Variants in SYN3 observed in about 807,000 individuals in gnomAD.
The protein encoded by SYN3 is synapsin-3.
Under a neutral mutation model 65.8 loss-of-function variants are expected in SYN3, and 35 were observed. The ratio of observed to expected loss-of-function variants is 0.53; its 90% CI spans 0.41 to 0.70. The LOEUF is 0.70. Among genes scored for constraint, SYN3 ranks in the 30% least tolerant of loss-of-function variants. The probability of loss-of-function intolerance (pLI) is 0.00; values close to 1 mark genes in which losing one functional copy is unlikely to be tolerated. For missense variants in SYN3, 680 were observed against 749.0 expected, an observed-to-expected ratio of 0.91 and a Z score of 1.08; for synonymous variants, 270 against 292.9, an observed-to-expected ratio of 0.92 and a Z score of 0.80.
chr22:32,931,464 C>G lies in SYN3; in HGVS notation c.387G>C (p.Leu129Phe). 2 of 1,613,820 alleles carry G rather than the reference C, an allele frequency of 1.2e-6. No homozygotes were observed. Among genetic ancestry groups the G allele is most frequent in the Non-Finnish European group, 1.7e-6 (2 of 1,179,762 alleles). ...CCCCGGTCACATAGGCAGCTAGGTT[C>G]AACTCTGAGAATTCAGCCTGAAGAA... is the stretch of plus-strand genomic sequence containing the variant. ...IRVEQAEFSELNLAAYVTGGC... is the reference protein window; with the variant it reads ...IRVEQAEFSEFNLAAYVTGGC... The change falls in exon 4 of 14, where the codon TTG becomes TTC. Residue 129 changes from leucine (L) to phenylalanine (F), a missense_variant. Transcript: ENST00000358763.
chr22:32,896,030 A>G (rs563238748), intron 4 of SYN3, among the ~76,000 whole-genome samples: 86 of 152,384 alleles, frequency 5.6e-4, no homozygotes, highest in Non-Finnish European at 1.0e-3. Context: ...AATGCTAATT[A>G]TAGCTAAGAA....
chr22:32,679,610 T>C (rs2060494109), intron 6 of SYN3, among the ~76,000 whole-genome samples: 1 of 152,100 alleles, frequency 6.6e-6, no homozygotes, highest in Non-Finnish European at 1.5e-5. Context: ...TGTGTAAGTA[T>C]TTTAATTTTT....
chr22:32,633,429 C>A (rs994284307), intron 6 of SYN3, among the ~76,000 whole-genome samples: 3 of 152,020 alleles, frequency 2.0e-5, no homozygotes, highest in Non-Finnish European at 2.9e-5. Context: ...GCCCTTCCCC[C>A]AGGACCAAAT....
chr22:32,991,848 CT>C (rs1215957911), intron 2 of SYN3, among the ~76,000 whole-genome samples: 5 of 152,230 alleles, frequency 3.3e-5, no homozygotes, highest in African/African-American at 1.2e-4. Context: ...ATCCCTTCTC[CT>C]GCCACCACAG....
At chr22:32,741,994 C>T (rs1412365077) in intron 6 of SYN3, among the ~76,000 whole-genome samples, 1 of 151,580 alleles carries the variant, frequency 6.6e-6, no homozygotes, top group Non-Finnish European at 1.5e-5. Flanking sequence ...CAAGCCCTGG[C>T]CGGGCGCGGT....
intron 6 of SYN3, among the ~76,000 whole-genome samples, chr22:32,644,862 G>A (rs558008550): frequency 2.7e-4 from 41 of 152,276 alleles, no homozygotes; most frequent in Middle Eastern, 3.4e-3. Context: ...TTCCGGGAAA[G>A]GGGAGGGATG....
chr22:33,031,347 G>C (rs2053752435), intron 1 of SYN3, among the ~76,000 whole-genome samples: 1 of 152,020 alleles, frequency 6.6e-6, no homozygotes, highest in Non-Finnish European at 1.5e-5. Context: ...TAAAAATGTA[G>C]GAGTCTTCTA....
chr22:32,705,086 T>C (rs1421744391), intron 6 of SYN3, among the ~76,000 whole-genome samples: 1 of 152,254 alleles, frequency 6.6e-6, no homozygotes, highest in East Asian at 1.9e-4. Context: ...TTTTTGCTTT[T>C]GTTGCAACTG....
At chr22:32,601,136 CT>C (rs1276904331) in intron 6 of SYN3, among the ~76,000 whole-genome samples, 1 of 152,170 alleles carries the variant, frequency 6.6e-6, no homozygotes, top group Non-Finnish European at 1.5e-5. Flanking sequence ...GGTGCTGTAT[CT>C]GTATTTAGAG....
chr22:33,006,383 G>A lies in SYN3; in HGVS notation c.280C>T (p.Leu94=). The change falls in exon 2 of 14, where the codon CTG becomes TTG. Residue 94 remains leucine, a synonymous_variant. Coordinates refer to ENST00000358763, the MANE Select transcript of SYN3 (RefSeq NM_003490.4). Reference sequence around the variant, plus strand: ...GTATGGGCATCATCGATCACCAACAGGATCCTGGGTCTTTGAACAATGGGC... The same window carrying A: ...GTATGGGCATCATCGATCACCAACAAGATCCTGGGTCTTTGAACAATGGGC... ...STPIVQRPRI[L]LVIDDAHTDW... The A allele has an allele frequency of 6.2e-7, 1 of 1,613,660 alleles. No individual in the cohort carries two copies. Among genetic ancestry groups the A allele is most frequent in the South Asian group, 1.1e-5 (1 of 91,040 alleles).
intron 7 of SYN3, among the ~76,000 whole-genome samples, chr22:32,575,502 C>A (rs1440692186): frequency 6.6e-6 from 1 of 152,190 alleles, no homozygotes; most frequent in Non-Finnish European, 1.5e-5. Context: ...CAGCTACCTG[C>A]CCCTGAGTCA....
chr22:32,707,490 G>A (rs1384489454), intron 6 of SYN3, among the ~76,000 whole-genome samples: 8 of 152,212 alleles, frequency 5.3e-5, no homozygotes, highest in Admixed American at 5.2e-4. Flanking sequence ...TAGGTGCAGA[G>A]TGTCAGTCTC....
intron 4 of SYN3, among the ~76,000 whole-genome samples, chr22:32,878,819 G>A (rs1301976050): frequency 6.6e-6 from 1 of 152,182 alleles, no homozygotes; most frequent in Non-Finnish European, 1.5e-5. Context: ...AGCCTCTGTG[G>A]AGGATGAGGA....
At chr22:32,523,250 T>A (rs973207053) in intron 12 of SYN3, among the ~76,000 whole-genome samples, 1 of 152,218 alleles carries the variant, frequency 6.6e-6, no homozygotes, top group Admixed American at 6.5e-5. Context: ...TGGTGGCTCA[T>A]GCCTGTAATC....
intron 4 of SYN3, among the ~76,000 whole-genome samples, chr22:32,911,037 A>G (rs2050037792): frequency 6.6e-6 from 1 of 152,162 alleles, no homozygotes. Flanking sequence ...TTTGCTCTTG[A>G]CCCAAGAAGT....
rs557641158 is a variant in SYN3, at chr22:32,949,683, C to T, written c.370-18202G>A. Among the ~76,000 whole-genome samples the T allele has an allele frequency of 2.6e-5, 4 of 152,220 alleles. No homozygotes were observed. In the South Asian group the frequency reaches 8.3e-4, roughly 32 times the overall value. ...GCCAAGCAGATAATATTACTGAAAG[C>T]ACGGGGTATTCATGTCTAGTTACTA... On this transcript the variant is annotated intron_variant, in intron 3 of 13. Coordinates refer to ENST00000358763, the MANE Select transcript of SYN3 (RefSeq NM_003490.4).
At chr22:32,585,373 C>T (rs1017923228) in intron 7 of SYN3, among the ~76,000 whole-genome samples, 4 of 152,226 alleles carry the variant, frequency 2.6e-5, no homozygotes, top group African/African-American at 9.6e-5. Flanking sequence ...CCCATACTCT[C>T]TTTTGCTTAT....
intron 6 of SYN3, among the ~76,000 whole-genome samples, chr22:32,744,371 G>A (rs1173897110): frequency 3.3e-5 from 5 of 152,086 alleles, no homozygotes; most frequent in African/African-American, 7.2e-5. Flanking sequence ...AACGGGAAGC[G>A]ATCTATGAGA....
intron 6 of SYN3, among the ~76,000 whole-genome samples, chr22:32,686,590 A>ATTTTTT (rs149862418): frequency 1.4e-5 from 1 of 72,338 alleles, no homozygotes; most frequent in Non-Finnish European, 2.4e-5. Context: ...CTGCTCCTCC[A>ATTTTTT]TTTTTTTTTT....
Sources: allele counts gnomAD v4.1 joint callset (sites outside exome capture counted in the v4.1 genomes callset), GRCh38; gene constraint gnomAD v4.1.1; transcripts MANE v1.5; gene names NCBI Gene and HGNC (gene_info 2026-07-23, HGNC 2026-07-21).